NKAIN2: variants seen among roughly 807,000 people sequenced by gnomAD.
The protein encoded by NKAIN2 is sodium/potassium transporting ATPase interacting 2.
Under a neutral mutation model 32.6 loss-of-function variants are expected in NKAIN2, and 14 were observed. The observed-to-expected ratio is 0.43, with a 90% CI of 0.28 to 0.67. The LOEUF (loss-of-function observed/expected upper bound fraction) is 0.67. Among genes scored for constraint, NKAIN2 ranks in the 30% least tolerant of loss-of-function variants. NKAIN2 has a pLI of 0.17. For synonymous variants in NKAIN2, 80 were observed against 87.2 expected, an observed-to-expected ratio of 0.92 and a Z score of 0.46; for missense variants, 198 against 258.3, an observed-to-expected ratio of 0.77 and a Z score of 1.60.
rs539646539 is a variant in NKAIN2, at chr6:124,768,672, G to A, written c.475-22667G>A. On this transcript the variant is annotated intron_variant, in intron 4 of 6. Coordinates refer to ENST00000368417, the MANE Select transcript of NKAIN2 (RefSeq NM_001040214.3). Reference sequence around the variant, plus strand: ...CAAACATTTCCTAGATATAAGAATTGTCTAATTATTCATAGGAATTGTCTA... The same window carrying A: ...CAAACATTTCCTAGATATAAGAATTATCTAATTATTCATAGGAATTGTCTA... Among the ~76,000 whole-genome samples, 6 of 152,048 alleles carry A rather than the reference G, an allele frequency of 3.9e-5. No individual in the cohort carries two copies. In the East Asian group the frequency reaches 9.7e-4, roughly 25 times the overall value.
At chr6:123,989,696 A>G (rs751483332) in intron 1 of NKAIN2, among the ~76,000 whole-genome samples, 2 of 152,158 alleles carry the variant, frequency 1.3e-5, no homozygotes, top group African/African-American at 2.4e-5. Context: ...TTTTTTTTAC[A>G]CCTAGAGTTA....
chr6:124,729,896 G>T (rs1776567860), intron 4 of NKAIN2, among the ~76,000 whole-genome samples: 1 of 150,896 alleles, frequency 6.6e-6, no homozygotes, highest in Non-Finnish European at 1.5e-5. Flanking sequence ...AAAATCACAA[G>T]CATTCTTATA....
intron 3 of NKAIN2, among the ~76,000 whole-genome samples, chr6:124,586,941 G>A (rs554974383): frequency 1.5e-3 from 229 of 152,304 alleles, no homozygotes; most frequent in African/African-American, 5.4e-3. Context: ...AAGGAGAATG[G>A]TCCCATTTAT....
chr6:124,365,382 T>G (rs1799477230), intron 3 of NKAIN2, among the ~76,000 whole-genome samples: 1 of 151,822 alleles, frequency 6.6e-6, no homozygotes, highest in Non-Finnish European at 1.5e-5. Flanking sequence ...AGATTTGTGA[T>G]GTAGTAATTT....
chr6:124,744,950 A>G (rs1267397453), intron 4 of NKAIN2, among the ~76,000 whole-genome samples: 2 of 151,842 alleles, frequency 1.3e-5, no homozygotes, highest in African/African-American at 4.8e-5. Flanking sequence ...TCCACTTTCC[A>G]GTAAAGGGCA....
intron 4 of NKAIN2, among the ~76,000 whole-genome samples, chr6:124,785,796 G>A (rs1779474423): frequency 6.6e-6 from 1 of 152,228 alleles, no homozygotes; most frequent in Admixed American, 6.5e-5. Context: ...CAGTACTGCT[G>A]GGCATTGGTA....
In NKAIN2 at chr6:124,658,384, G is replaced by T. The variant is rs768539349; in HGVS notation, c.472G>T (p.Ala158Ser). 3.7e-6 allele frequency: 6 copies of T among 1,613,916 alleles called. No homozygotes were observed. Among genetic ancestry groups the T allele is most frequent in the Non-Finnish European group, 2.5e-6 (3 of 1,180,004 alleles). The change falls in exon 4 of 7, where the codon GCA (alanine) becomes TCA (serine). Residue 158 changes from alanine (A) to serine (S), a missense_variant and splice_region_variant. Transcript: ENST00000368417. ...TCATAGTTCCCTCCAGATTGTCCTC[G>T]CAGTAAGTGTTGGCAGCCAACCGCT... The part of the protein sequence containing the change: ...VAHSSLQIVL[A>S]LAGFIYACYV...
chr6:123,911,799 A>ATGTATATATATATG (rs1775202454), intron 1 of NKAIN2, among the ~76,000 whole-genome samples: 2 of 99,308 alleles, frequency 2.0e-5, no homozygotes, highest in East Asian at 2.9e-4. Context: ...ATATATATAT[A>ATGTATATATATATG]TGTATATATA....
intron 1 of NKAIN2, among the ~76,000 whole-genome samples, chr6:123,925,154 A>C (rs1440478070): frequency 6.6e-6 from 1 of 152,202 alleles, no homozygotes; most frequent in Non-Finnish European, 1.5e-5. Context: ...TATGAAGTAC[A>C]CATTTTCTTC....
intron 5 of NKAIN2, among the ~76,000 whole-genome samples, chr6:124,810,369 A>G (rs555694595): frequency 2.8e-4 from 42 of 152,096 alleles, no homozygotes; most frequent in African/African-American, 9.9e-4. Flanking sequence ...CATTCTCAGT[A>G]AACTATCACA....
At position 124,226,084 on chromosome 6, in the gene NKAIN2, A is replaced by G. The variant is rs534141501; in HGVS notation, c.55-56921A>G. Among the ~76,000 whole-genome samples the G allele has an allele frequency of 2.6e-5, 4 of 152,198 alleles. No individual in the cohort carries two copies. The South Asian group carries it at 6.2e-4, about 24-fold the overall frequency. On this transcript the variant is annotated intron_variant, in intron 1 of 6. Coordinates refer to ENST00000368417, the MANE Select transcript of NKAIN2 (RefSeq NM_001040214.3). ...CCTAAGTCCAGTGTCACAGGAGAGAATGGACACTGTCAATTGCAGTGGATG... is the reference window on the plus strand; with the variant it reads ...CCTAAGTCCAGTGTCACAGGAGAGAGTGGACACTGTCAATTGCAGTGGATG...
intron 3 of NKAIN2, among the ~76,000 whole-genome samples, chr6:124,400,209 A>T (rs1284189670): frequency 6.6e-6 from 1 of 152,200 alleles, no homozygotes; most frequent in African/African-American, 2.4e-5. Flanking sequence ...ACACCCCAAG[A>T]GAACCTAATT....
intron 1 of NKAIN2, among the ~76,000 whole-genome samples, chr6:124,232,771 G>T (rs1211605063): frequency 1.3e-5 from 2 of 152,026 alleles, no homozygotes; most frequent in Non-Finnish European, 2.9e-5. Flanking sequence ...AATGATCTTG[G>T]TTTGAGGGGA....
At chr6:124,812,586 C>T (rs1282375227) in intron 5 of NKAIN2, among the ~76,000 whole-genome samples, 1 of 152,144 alleles carries the variant, frequency 6.6e-6, no homozygotes, top group African/African-American at 2.4e-5. Context: ...AGAAATTCAT[C>T]TCTAACATCC....
intron 3 of NKAIN2, among the ~76,000 whole-genome samples, chr6:124,436,506 T>A (rs916158174): frequency 2.6e-5 from 4 of 152,218 alleles, no homozygotes; most frequent in Non-Finnish European, 5.9e-5. Flanking sequence ...TTTGTGTTTA[T>A]TCATATATGA....
chr6:124,113,375 C>G (rs1785471390), intron 1 of NKAIN2, among the ~76,000 whole-genome samples: 1 of 152,112 alleles, frequency 6.6e-6, no homozygotes, highest in African/African-American at 2.4e-5. Flanking sequence ...GTTTAGGAAG[C>G]CCTAGAGATA....
intron 1 of NKAIN2, among the ~76,000 whole-genome samples, chr6:123,985,930 A>G (rs1779116870): frequency 6.6e-6 from 1 of 152,134 alleles, no homozygotes. Flanking sequence ...TAATGTATTC[A>G]AGAACTGAAA....
chr6:124,201,047 A>C (rs1216765751), intron 1 of NKAIN2, among the ~76,000 whole-genome samples: 3 of 152,044 alleles, frequency 2.0e-5, no homozygotes, highest in Non-Finnish European at 4.4e-5. Context: ...AGACCTAGGA[A>C]TTTTAAATTA....
At chr6:124,171,053 C>T (rs1463191361) in intron 1 of NKAIN2, among the ~76,000 whole-genome samples, 1 of 151,916 alleles carries the variant, frequency 6.6e-6, no homozygotes, top group Non-Finnish European at 1.5e-5. Flanking sequence ...TAGAAAATTT[C>T]ATTTGAGATG....
Sources: gnomAD v4.1 joint callset for allele counts (sites outside exome capture counted in the v4.1 genomes callset) on GRCh38, gnomAD v4.1.1 for gene constraint, MANE v1.5 for transcripts, NCBI Gene and HGNC (gene_info 2026-07-23, HGNC 2026-07-21) for gene names.